CASP4: variants seen among roughly 807,000 people sequenced by gnomAD.
CASP4 encodes caspase 4, also known as caspase-4.
In CASP4, 29 loss-of-function variants were observed where a neutral mutation model predicts 41.3. That is an observed-to-expected ratio of 0.70 (90% CI 0.52 to 0.96). CASP4 has a LOEUF of 0.96. Among genes scored for constraint, CASP4 ranks in the 40% least tolerant of loss-of-function variants. The probability of loss-of-function intolerance (pLI) is 0.00; values close to 1 mark genes in which losing one functional copy is unlikely to be tolerated. For synonymous variants in CASP4, 185 were observed against 158.4 expected (o/e 1.17, Z -1.26); for missense variants, 447 against 460.6 (o/e 0.97, Z 0.27).
intron 1 of CASP4, among the ~76,000 whole-genome samples, chr11:104,965,746 A>C (rs1591136945): frequency 6.6e-6 from 1 of 152,216 alleles, no homozygotes. Flanking sequence ...CAAGACTAAA[A>C]ATTACAATGT....
chr11:104,964,898 A>T (rs933991708), intron 1 of CASP4, among the ~76,000 whole-genome samples: 1 of 152,342 alleles, frequency 6.6e-6, no homozygotes, highest in African/African-American at 2.4e-5. Context: ...TTTAAACAAA[A>T]AACAGCCTAA....
At chr11:104,956,090 A>C (rs955049371) in intron 1 of CASP4, among the ~76,000 whole-genome samples, 15 of 152,256 alleles carry the variant, frequency 9.9e-5, no homozygotes, top group Admixed American at 3.9e-4. Context: ...GTAAAGGGTA[A>C]TATCTCCCAT....
chr11:104,957,990 T>C (rs1040293747), intron 1 of CASP4, among the ~76,000 whole-genome samples: 1 of 152,140 alleles, frequency 6.6e-6, no homozygotes, highest in African/African-American at 2.4e-5. Context: ...TAAACCCAAT[T>C]ATTTACATTA....
chr11:104,957,275 A>G (rs921684983), intron 1 of CASP4, among the ~76,000 whole-genome samples: 1 of 152,194 alleles, frequency 6.6e-6, no homozygotes, highest in Non-Finnish European at 1.5e-5. Context: ...ACCATCTTTA[A>G]AAAATAAATA....
intron 1 of CASP4, among the ~76,000 whole-genome samples, chr11:104,963,464 G>A (rs1230498804): frequency 1.3e-5 from 2 of 152,186 alleles, no homozygotes; most frequent in African/African-American, 4.8e-5. Context: ...CAAAGGCTCT[G>A]TTCTGTTTTG....
At chr11:104,960,418 G>A (rs941505126) in intron 1 of CASP4, among the ~76,000 whole-genome samples, 3 of 151,874 alleles carry the variant, frequency 2.0e-5, no homozygotes, top group Non-Finnish European at 1.5e-5. Context: ...TATGCTCCTA[G>A]GGCACCTTGT....
intron 4 of CASP4, among the ~76,000 whole-genome samples, chr11:104,950,706 G>T (rs1005096867): frequency 5.9e-5 from 9 of 151,950 alleles, no homozygotes; most frequent in African/African-American, 2.2e-4. Context: ...GAAAACACGT[G>T]TCAATCATGT....
At chr11:104,944,649 G>T (rs190723631) in intron 8 of CASP4, 99 bp downstream of exon 8, 28 of 733,488 alleles carry the variant, frequency 3.8e-5, no homozygotes, top group East Asian at 2.6e-4. Context: ...ACACCAATTT[G>T]ACCATCCAAG....
Position 104,950,926 on chromosome 11 carries a change from C to A in CASP4, c.545G>T (p.Arg182Met), listed in dbSNP as rs1315280148. Reference sequence around the variant, plus strand: ...TTGTGGCGGCTGAGGGATTCTTACCCTGGCTGTCAGATTCTCTTCTACATC... The same window carrying A: ...TTGTGGCGGCTGAGGGATTCTTACCATGGCTGTCAGATTCTCTTCTACATC... ...SVDVEENLTA[R>M]DMESALRAFA... Residue 182 changes from arginine to methionine, a missense_variant and splice_region_variant, in exon 4 of 9, where the codon AGG (arginine) becomes ATG (methionine). Physicochemically the swap from Arg to Met is moderately conservative, Grantham distance 91. Transcript: ENST00000444739. The A allele has an allele frequency of 6.2e-7, 1 of 1,610,304 alleles. No homozygotes were observed. The highest frequency in any genetic ancestry group is 1.1e-5 in the South Asian group (1 of 90,770).
At chr11:104,947,229 C>T (rs1860487478) in intron 6 of CASP4, 37 bp from the exon 7 acceptor site, 1 of 1,205,608 alleles carries the variant, frequency 8.3e-7, no homozygotes, top group Non-Finnish European at 1.2e-6. Flanking sequence ...TGGGCTATGA[C>T]TTTCACTATG....
At chr11:104,953,986 A>G (rs896451606) in intron 2 of CASP4, among the ~76,000 whole-genome samples, 1 of 152,170 alleles carries the variant, frequency 6.6e-6, no homozygotes, top group Non-Finnish European at 1.5e-5. Flanking sequence ...TATTGAATGC[A>G]TATACTTTAT....
intron 1 of CASP4, chr11:104,956,780 T>TCTGTG: frequency 1.3e-5 from 3 of 223,848 alleles, no homozygotes; most frequent in Non-Finnish European, 2.2e-5. Flanking sequence ...AGTACACAGA[T>TCTGTG]TAGTGTGTGG....
chr11:104,953,652 T>G (rs1028045575), intron 2 of CASP4, among the ~76,000 whole-genome samples: 1 of 152,188 alleles, frequency 6.6e-6, no homozygotes, highest in Non-Finnish European at 1.5e-5. Flanking sequence ...AAAGCTCATT[T>G]GATATAGTGA....
rs1860481438 is a variant in CASP4 at position 104,947,115 on chromosome 11, A to G, written c.1003T>C (p.Trp335Arg). Residue 335 changes from tryptophan (W) to arginine (R), a missense_variant, in exon 7 of 9, where the codon TGG (tryptophan) becomes CGG (arginine). Trp to Arg is a moderately radical substitution (Grantham distance 101). Coordinates refer to ENST00000444739, the MANE Select transcript of CASP4 (RefSeq NM_001225.4). The stretch of plus-strand genomic sequence containing the variant: ...AATACTTCCTCTAGGTGGCAGCACC[A>G]AGAATATTTCTGGAAGCATGTGATG... Reference protein sequence around the residue: ...QLITCFQKYSWCCHLEEVFRK... With the variant: ...QLITCFQKYSRCCHLEEVFRK... The G allele has an allele frequency of 6.2e-7, 1 of 1,611,562 alleles. No individual in the cohort carries two copies.
rs1345783152 is a variant in CASP4, at chr11:104,954,603, C to T, written c.262+144G>A. The T allele has an allele frequency of 7.6e-6, 6 of 789,178 alleles. No homozygotes were observed. The African/African-American group carries it at 1.0e-4, about 14-fold the overall frequency. 48.9% of individuals were successfully genotyped at this position (789,178 alleles called of 1,614,324 possible). The stretch of plus-strand genomic sequence containing the variant: ...TTCCACCCCACAAAAGGGAAGTGGT[C>T]TCTAAAAGGACAAAGATAGGTTTAG... On this transcript the variant is annotated intron_variant, in intron 2 of 8. Coordinates refer to ENST00000444739, the MANE Select transcript of CASP4 (RefSeq NM_001225.4).
At chr11:104,948,357 T>C in intron 6 of CASP4, 176 bp downstream of exon 6, 2 of 471,814 alleles carry the variant, frequency 4.2e-6, no homozygotes, top group Non-Finnish European at 3.5e-6. Context: ...TGGGTTTCCA[T>C]GTATCGGGTT....
chr11:104,955,014 G>C lies in CASP4; in HGVS notation c.8-13C>G, dbSNP rs770707997. On this transcript the variant is annotated splice_polypyrimidine_tract_variant and intron_variant, in intron 1 of 8. Transcript: ENST00000444739. ...CTGTGGTTGCCTTCTGTTAGAAATA[G>C]AAAGATTCCTTTAACTATGGGCACA... The C allele has an allele frequency of 6.8e-6, 11 of 1,608,458 alleles. No homozygotes were observed. The highest frequency in any genetic ancestry group is 8.5e-6 in the Non-Finnish European group (10 of 1,177,938).
At position 104,954,508 on chromosome 11, in the gene CASP4, T is replaced by G. The variant is rs564542734; in HGVS notation, c.262+239A>C. 5.7e-4 allele frequency among the ~76,000 whole-genome samples: 87 copies of G among 152,300 alleles called. 1 individual carries two copies. The highest frequency in any genetic ancestry group is 1.1e-3 in the Non-Finnish European group (76 of 68,022). ...TCTATGTGTCCCTTACTACAAGGTG[T>G]GAACTATTAACTATTTTTGTACACA... On this transcript the variant is annotated intron_variant, in intron 2 of 8. Coordinates refer to ENST00000444739, the MANE Select transcript of CASP4 (RefSeq NM_001225.4).
At chr11:104,944,910 C>G in intron 7 of CASP4, 59 bp from the exon 8 acceptor site, 1 of 1,162,638 alleles carries the variant, frequency 8.6e-7, no homozygotes, top group Non-Finnish European at 1.3e-6. Context: ...CAGAAAGCAT[C>G]TTTCACCATG....
Sources: gnomAD v4.1 joint callset for allele counts (sites outside exome capture counted in the v4.1 genomes callset) on GRCh38, gnomAD v4.1.1 for gene constraint, MANE v1.5 for transcripts, NCBI Gene and HGNC (gene_info 2026-07-23, HGNC 2026-07-21) for gene names.